The following ZNF510 variants were observed in gnomAD, a reference collection of about 807,000 sequenced individuals.
ZNF510 encodes the protein zinc finger protein 510.
ZNF510 carries 15 observed loss-of-function variants against 18.1 expected under a neutral mutation model. The ratio of observed to expected loss-of-function variants is 0.83; its 90% CI spans 0.55 to 1.28. The LOEUF (loss-of-function observed/expected upper bound fraction) is 1.28. ZNF510 is among the 50% of genes most tolerant of loss of function. The probability of loss-of-function intolerance (pLI) is 0.00; values close to 1 mark genes in which losing one functional copy is unlikely to be tolerated. For synonymous variants in ZNF510, 261 were observed against 266.4 expected (o/e 0.98, Z 0.20); for missense variants, 724 against 791.8 (o/e 0.91, Z 1.03).
chr9:96,775,945 T>C (rs1849691862), intron 2 of ZNF510, 55 bp downstream of exon 2: 2 of 1,566,718 alleles, frequency 1.3e-6, no homozygotes, highest in African/African-American at 1.3e-5. Flanking sequence ...CCTCCAGTAA[T>C]GTGGCTTTTC....
chr9:96,774,576 T>C (rs971778900), intron 3 of ZNF510, among the ~76,000 whole-genome samples: 14 of 150,684 alleles, frequency 9.3e-5, no homozygotes, highest in Non-Finnish European at 1.6e-4. Flanking sequence ...GCCATGGCTA[T>C]CAGAAAGAAT....
At chr9:96,766,936 G>C (rs929367720) in intron 3 of ZNF510, among the ~76,000 whole-genome samples, 2 of 152,164 alleles carry the variant, frequency 1.3e-5, no homozygotes, top group African/African-American at 4.8e-5. Context: ...AATTTAACCT[G>C]CTAAAGGCAA....
intron 2 of ZNF510, among the ~76,000 whole-genome samples, chr9:96,775,417 G>A (rs1395194062): frequency 6.6e-6 from 1 of 152,034 alleles, no homozygotes; most frequent in African/African-American, 2.4e-5. Context: ...TATTTAAAAT[G>A]TATGTCTTCT....
In ZNF510 at chr9:96,759,694, T is replaced by C; in HGVS notation, c.1136A>G (p.Tyr379Cys). ...CTGGTAGGATTTCTTATTTTCATGA[T>C]ATTCAGAGGATTTAACCCAAGTCTG... ...RTQTWVKSSE[Y>C]HENKKSYQTS... The change falls in exon 6 of 6, where the codon TAT (tyrosine) becomes TGT (cysteine). Residue 379 changes from tyrosine (Y) to cysteine (C), a missense_variant. Transcript: ENST00000223428. 6.2e-7 allele frequency: 1 copy of C among 1,613,882 alleles called. No individual in the cohort carries two copies. The highest frequency in any genetic ancestry group is 8.5e-7 in the Non-Finnish European group (1 of 1,179,984).
rs1849744104 is a variant in ZNF510, at chr9:96,778,021, C to G, written c.-177+13G>C. 1 of 152,368 alleles carries G rather than the reference C, an allele frequency of 6.6e-6. No individual in the cohort carries two copies. The highest frequency in any genetic ancestry group is 6.5e-5 in the Admixed American group (1 of 15,288). The allele number at this position is 152,368 out of a possible 1,614,324, so 9.4% of individuals were successfully genotyped here. On this transcript the variant is annotated intron_variant, in intron 1 of 5. Transcript: ENST00000223428. ...GCAGGTCCGCAATCCGCGTGGAGGC[C>G]CGGCGCTCTCACCTGAGCTGCGAAC...
At position 96,763,593 on chromosome 9, in the gene ZNF510, G is replaced by A; in HGVS notation, c.169C>T (p.Gln57Ter). 2.5e-6 allele frequency: 4 copies of A among 1,613,256 alleles called. No individual in the cohort carries two copies. The highest frequency in any genetic ancestry group is 3.4e-6 in the Non-Finnish European group (4 of 1,179,598). The change falls in exon 4 of 6, where the codon CAG becomes TAG. Residue 57 changes from glutamine (Q) to a stop codon, truncating the protein, a stop_gained. Coordinates refer to ENST00000223428, the MANE Select transcript of ZNF510 (RefSeq NM_014930.3). LOFTEE classifies it high-confidence loss of function. ...GGGGCCATTTGCTGCCACTCCTCCT[G>A]GGTGAATTCTATAGTCACGTCCTTG... The part of the protein sequence containing the change: ...SFKDVTIEFT[Q>*]EEWQQMAPVQ...
intron 3 of ZNF510, among the ~76,000 whole-genome samples, chr9:96,765,694 G>A (rs1849453179): frequency 6.6e-6 from 1 of 151,968 alleles, no homozygotes; most frequent in Non-Finnish European, 1.5e-5. Context: ...TGTATTTTTA[G>A]TAGAGATGGG....
At chr9:96,775,065 GTT>G (rs199701361) in intron 2 of ZNF510, among the ~76,000 whole-genome samples, 3 of 139,138 alleles carry the variant, frequency 2.2e-5, no homozygotes, top group East Asian at 2.0e-4. Flanking sequence ...GTGTTTTTTT[GTT>G]TTTTTTTTTT....
At chr9:96,770,348 G>A (rs570750812) in intron 3 of ZNF510, among the ~76,000 whole-genome samples, 53 of 151,946 alleles carry the variant, frequency 3.5e-4, no homozygotes, top group African/African-American at 1.1e-3. Flanking sequence ...GCAGAACTTT[G>A]GGAAGCTGAG....
Position 96,758,364 on chromosome 9 carries a change from G to A in ZNF510, c.*414C>T, listed in dbSNP as rs923135092. The A allele has an allele frequency of 1.2e-5, 2 of 163,798 alleles. No homozygotes were observed. Among genetic ancestry groups the A allele is most frequent in the Non-Finnish European group, 2.7e-5 (2 of 75,102 alleles). 10.1% of individuals were successfully genotyped at this position (163,798 alleles called of 1,614,324 possible). Reference sequence around the variant, plus strand: ...AGACTGGGATGTGATATACATCATGGACATCCACATCTTAGTAGCCAGTCA... The same window carrying A: ...AGACTGGGATGTGATATACATCATGAACATCCACATCTTAGTAGCCAGTCA... On this transcript the variant is annotated 3_prime_UTR_variant, in exon 6 of 6. Transcript: ENST00000223428.
rs1849318705 is a variant in ZNF510, at chr9:96,760,429, T to C, written c.401A>G (p.Asp134Gly). 1 of 1,612,020 alleles carries C rather than the reference T, an allele frequency of 6.2e-7. No individual in the cohort carries two copies. The highest frequency in any genetic ancestry group is 1.3e-5 in the African/African-American group (1 of 74,812). ...DLIKQNKKIK[D>G]KHLEQAICIN... ...ACATATTGCTTGCTCCAAGTGTTTG[T>C]CTTTGATTTTCTTGTTCTGCTTGAT... Residue 134 changes from aspartate to glycine, a missense_variant, in exon 6 of 6, where the codon GAC (aspartate) becomes GGC (glycine). Asp to Gly is a moderately conservative substitution (Grantham distance 94). Transcript: ENST00000223428.
At chr9:96,775,890 C>T (rs1849687744) in intron 2 of ZNF510, 110 bp downstream of exon 2, 1 of 1,394,516 alleles carries the variant, frequency 7.2e-7, no homozygotes, top group East Asian at 2.6e-5. Context: ...ACAATTTCCT[C>T]AGCCCTGGCT....
rs1407044467 is a variant in ZNF510, at chr9:96,762,518, AAAAAAGAAAAG to A, written c.352+589_352+599del. Among the ~76,000 whole-genome samples, 764 of 150,696 alleles carry A rather than the reference AAAAAAGAAAAG, an allele frequency of 5.1e-3. 7 individuals carry two copies. Among genetic ancestry groups the A allele is most frequent in the African/African-American group, 0.018 (733 of 40,142 alleles). On this transcript the variant is annotated intron_variant, in intron 5 of 5. Coordinates refer to ENST00000223428, the MANE Select transcript of ZNF510 (RefSeq NM_014930.3). ...AGGGAGACTCCGTCTCAAAAAAAAAAAAAAAGAAAAGAAAAAGAAAACATCCTCCTGATACC... is the reference window on the plus strand; with the variant it reads ...AGGGAGACTCCGTCTCAAAAAAAAAAAAAAAGAAAACATCCTCCTGATACC...
At position 96,758,611 on chromosome 9, in the gene ZNF510, T is replaced by G. The variant is rs1849249200; in HGVS notation, c.*167A>C. 1 of 678,324 alleles carries G rather than the reference T, an allele frequency of 1.5e-6. No homozygotes were observed. The highest frequency in any genetic ancestry group is 1.8e-5 in the African/African-American group (1 of 55,474). 42.0% of individuals were successfully genotyped at this position (678,324 alleles called of 1,614,324 possible). A position where few individuals can be genotyped will look rare whatever the true frequency, so the allele number is the denominator to read the frequency against. On this transcript the variant is annotated 3_prime_UTR_variant, in exon 6 of 6. Transcript: ENST00000223428. Reference sequence around the variant, plus strand: ...GTTGCATTTTGGACACAATTCTTCCTGCATTCATCTTCATCTGGTTTCTTT... The same window carrying G: ...GTTGCATTTTGGACACAATTCTTCCGGCATTCATCTTCATCTGGTTTCTTT...
chr9:96,766,640 C>T (rs1588129503), intron 3 of ZNF510, among the ~76,000 whole-genome samples: 1 of 149,356 alleles, frequency 6.7e-6, no homozygotes. Flanking sequence ...TTCCTTTGCA[C>T]ATTAAAAAAA....
chr9:96,774,355 C>T (rs964609076), intron 3 of ZNF510, among the ~76,000 whole-genome samples: 2 of 152,218 alleles, frequency 1.3e-5, no homozygotes, highest in South Asian at 2.1e-4. Flanking sequence ...GAGTTTGGCA[C>T]TAAGCCGTCT....
Position 96,759,227 on chromosome 9 carries a change from G to A in ZNF510, c.1603C>T (p.Gln535Ter), listed in dbSNP as rs1421167209. 1 of 1,613,762 alleles carries A rather than the reference G, an allele frequency of 6.2e-7. No individual in the cohort carries two copies. Among genetic ancestry groups the A allele is most frequent in the Non-Finnish European group, 8.5e-7 (1 of 1,179,994 alleles). Residue 535 changes from glutamine to a stop codon, truncating the protein, a stop_gained, in exon 6 of 6, where the codon CAG (glutamine) becomes TAG (stop). Coordinates refer to ENST00000223428, the MANE Select transcript of ZNF510 (RefSeq NM_014930.3). LOFTEE classifies it low-confidence loss of function (END_TRUNC). ...FGQKSNLRIH[Q>*]RTHTGEKTYQ... ...GTTTTCTCCCCAGTGTGAGTTCTCT[G>A]ATGTATTCTGAGGTTTGACTTCTGG...
chr9:96,766,819 AGAGAC>A (rs35647790), intron 3 of ZNF510, among the ~76,000 whole-genome samples: 9,000 of 152,214 alleles, frequency 0.059, 867 homozygotes, highest in African/African-American at 0.2. Flanking sequence ...TAGGAGAGAG[AGAGAC>A]GAGACAGGCA....
chr9:96,763,008 C>A, intron 5 of ZNF510, 110 bp downstream of exon 5: 2 of 843,406 alleles, frequency 2.4e-6, no homozygotes, highest in South Asian at 2.9e-5. Flanking sequence ...GCTTTTTGTG[C>A]CTTTAGGCTT....
Sources: allele counts gnomAD v4.1 joint callset (sites outside exome capture counted in the v4.1 genomes callset), GRCh38; gene constraint gnomAD v4.1.1; transcripts MANE v1.5; gene names NCBI Gene and HGNC (gene_info 2026-07-23, HGNC 2026-07-21).